Variants in PDZD9 observed in about 807,000 individuals in gnomAD.
PDZD9 encodes the protein PDZ domain-containing protein 9.
PDZD9 carries 13 observed loss-of-function variants against 16.3 expected under a neutral mutation model. That is an observed-to-expected ratio of 0.80 (90% CI 0.52 to 1.27). The LOEUF (loss-of-function observed/expected upper bound fraction) is 1.27. Ranked by LOEUF, PDZD9 falls within the 50% of genes most tolerant of loss-of-function variation. The pLI is 0.00. For synonymous variants in PDZD9, 120 were observed against 111.0 expected, an observed-to-expected ratio of 1.08 and a Z score of -0.51; for missense variants, 288 against 310.9, an observed-to-expected ratio of 0.93 and a Z score of 0.55.
intron 2 of PDZD9, among the ~76,000 whole-genome samples, chr16:21,992,129 T>C (rs1320274294): frequency 6.6e-6 from 1 of 152,120 alleles, no homozygotes; most frequent in East Asian, 1.9e-4. Context: ...TTTGGGAGAC[T>C]GAGGCAGGAG....
At chr16:21,997,616 A>G (rs1460657789) in intron 1 of PDZD9, among the ~76,000 whole-genome samples, 2 of 152,226 alleles carry the variant, frequency 1.3e-5, no homozygotes, top group South Asian at 2.1e-4. Context: ...CAAAAAGCAC[A>G]TGGGGGAAAA....
At chr16:21,979,837 A>G (rs1875320876), downstream of PDZD9, among the ~76,000 whole-genome samples, 1 of 152,156 alleles carries the variant, frequency 6.6e-6, no homozygotes, top group African/African-American at 2.4e-5. Flanking sequence ...TCTTAACGGG[A>G]CCACCATCAT....
rs1898896242 is a variant in PDZD9 at position 21,987,192 on chromosome 16, G to C, written c.401+1410C>G. Among the ~76,000 whole-genome samples the C allele has an allele frequency of 2.6e-5, 4 of 152,310 alleles. No homozygotes were observed. The South Asian group carries it at 8.3e-4, about 32-fold the overall frequency. ...TCCAACACTTTGAGAGGCCGAGGCAGGCAGATCACCTGAGGTCAGGAGTTC... is the reference window on the plus strand; with the variant it reads ...TCCAACACTTTGAGAGGCCGAGGCACGCAGATCACCTGAGGTCAGGAGTTC... On this transcript the variant is annotated intron_variant, in intron 3 of 3. Coordinates refer to ENST00000424898, the MANE Select transcript of PDZD9 (RefSeq NM_001363519.1).
intron 2 of PDZD9, among the ~76,000 whole-genome samples, chr16:21,990,904 A>T (rs1218621712): frequency 6.6e-6 from 1 of 152,194 alleles, no homozygotes; most frequent in African/African-American, 2.4e-5. Context: ...CAGAAACACC[A>T]ATTTCGTACT....
At chr16:21,980,215 A>G (rs1191674217), downstream of PDZD9, 1 of 249,264 alleles carries the variant, frequency 4.0e-6, no homozygotes, top group Non-Finnish European at 8.0e-6. Flanking sequence ...AGATTGCACA[A>G]CCGGATCCAG....
At chr16:21,974,755 G>A in the PDZD9 span, among the ~76,000 whole-genome samples, 6 of 152,176 alleles carry the variant, frequency 3.9e-5, no homozygotes, top group African/African-American at 1.2e-4. Context: ...AGCAGATATC[G>A]GAGATAGAAA....
chr16:21,994,659 T>A (rs1453937592), intron 2 of PDZD9, among the ~76,000 whole-genome samples: 2 of 152,032 alleles, frequency 1.3e-5, no homozygotes, highest in Non-Finnish European at 2.9e-5. Flanking sequence ...GAGAGTGAAA[T>A]GAGATCGTGC....
At chr16:21,996,583 C>T (rs1899157721) in intron 1 of PDZD9, 82 bp from the exon 2 acceptor site, 2 of 1,267,502 alleles carry the variant, frequency 1.6e-6, no homozygotes, top group Non-Finnish European at 2.1e-6. Context: ...GAAGCCAGAT[C>T]CCTGGGACAG....
intron 3 of PDZD9, among the ~76,000 whole-genome samples, chr16:21,987,359 G>T (rs561739186): frequency 6.6e-6 from 1 of 152,236 alleles, no homozygotes; most frequent in East Asian, 1.9e-4. Context: ...GGCAGAGGTT[G>T]CAGTGAGCCA....
chr16:21,993,002 T>C (rs1001878709), intron 2 of PDZD9, among the ~76,000 whole-genome samples: 1 of 152,074 alleles, frequency 6.6e-6, no homozygotes, highest in Non-Finnish European at 1.5e-5. Flanking sequence ...ACACTCACAC[T>C]CCCTCCTGCC....
intron 1 of PDZD9, chr16:21,999,326 C>G (rs1214155429): frequency 1.8e-5 from 4 of 220,062 alleles, no homozygotes; most frequent in Non-Finnish European, 4.0e-5. Context: ...TCAATGCTTC[C>G]TCCCTGGAAA....
chr16:21,958,631 A>C, the PDZD9 span: 1 of 1,571,340 alleles, frequency 6.4e-7, no homozygotes, highest in Non-Finnish European at 8.7e-7. Context: ...AAATAGTGAA[A>C]ATGCCAGAAA....
chr16:21,965,280 T>C, the PDZD9 span: 1 of 724,830 alleles, frequency 1.4e-6, no homozygotes, highest in Non-Finnish European at 2.3e-6. Flanking sequence ...TAATAAATTT[T>C]AAGTCCTCTT....
At chr16:21,971,419 T>TCACTACAAA in the PDZD9 span, 7 of 878,566 alleles carry the variant, frequency 8.0e-6, no homozygotes, top group Non-Finnish European at 1.0e-5. Flanking sequence ...ATTTATTTTG[T>TCACTACAAA]AGTGTTAGGA....
chr16:21,984,490 T>C lies in PDZD9; in HGVS notation c.572A>G (p.Lys191Arg). Residue 191 changes from lysine (K) to arginine (R), a missense_variant, in exon 4 of 4, where the codon AAG becomes AGG. Coordinates refer to ENST00000424898, the MANE Select transcript of PDZD9 (RefSeq NM_001363519.1). ...TCCTACACTAATAGTATGGTTCTTCTTCTTATATCCATGCCAGTCTCTGGA... is the reference window on the plus strand; with the variant it reads ...TCCTACACTAATAGTATGGTTCTTCCTCTTATATCCATGCCAGTCTCTGGA... ...SISRDWHGYK[K>R]KNHTISVGKD... 1 of 1,611,088 alleles carries C rather than the reference T, an allele frequency of 6.2e-7. No homozygotes were observed. Among genetic ancestry groups the C allele is most frequent in the Non-Finnish European group, 8.5e-7 (1 of 1,177,384 alleles).
downstream of PDZD9, chr16:21,980,545 A>G: frequency 6.2e-7 from 1 of 1,612,424 alleles, no homozygotes; most frequent in East Asian, 2.2e-5. Context: ...TTTATTGGAC[A>G]GGAACAAGCT....
chr16:21,974,686 T>A, the PDZD9 span, among the ~76,000 whole-genome samples: 1 of 152,146 alleles, frequency 6.6e-6, no homozygotes, highest in African/African-American at 2.4e-5. Context: ...GCAAGTTGTT[T>A]TAGGAGAGTT....
At chr16:21,969,431 G>C in the PDZD9 span, among the ~76,000 whole-genome samples, 3 of 152,180 alleles carry the variant, frequency 2.0e-5, no homozygotes, top group Non-Finnish European at 4.4e-5. Context: ...CTATCGGGGG[G>C]CTGAGGAGGA....
the PDZD9 span, chr16:21,972,124 T>G: frequency 6.2e-7 from 1 of 1,612,150 alleles, no homozygotes; most frequent in Middle Eastern, 1.7e-4. Context: ...CCATTTGATG[T>G]GAGTCTGAAC....
Sources: allele counts gnomAD v4.1 joint callset (sites outside exome capture counted in the v4.1 genomes callset), GRCh38; gene constraint gnomAD v4.1.1; transcripts MANE v1.5; gene names NCBI Gene and HGNC (gene_info 2026-07-23, HGNC 2026-07-21).